Variants in MARVELD2 observed in about 807,000 individuals in gnomAD.
MARVELD2 encodes the protein MARVEL domain-containing protein 2.
In MARVELD2, 49 loss-of-function variants were observed where a neutral mutation model predicts 57.6. The ratio of observed to expected loss-of-function variants is 0.85; its 90% CI spans 0.68 to 1.08. The LOEUF (loss-of-function observed/expected upper bound fraction) is 1.08. Ranked by LOEUF, MARVELD2 falls within the 50% of genes least tolerant of loss-of-function variation. MARVELD2 has a pLI of 0.00. For missense variants in MARVELD2, 606 were observed against 701.1 expected, an observed-to-expected ratio of 0.86 and a Z score of 1.53; for synonymous variants, 238 against 258.8, an observed-to-expected ratio of 0.92 and a Z score of 0.77.
chr5:69,429,581 A>G (rs1766894884), intron 3 of MARVELD2, among the ~76,000 whole-genome samples: 1 of 152,184 alleles, frequency 6.6e-6, no homozygotes, highest in South Asian at 2.1e-4. Context: ...TGCCCTGTCC[A>G]TCACAAGCTC....
chr5:69,437,381 TAAAA>T (rs36086491), intron 5 of MARVELD2, among the ~76,000 whole-genome samples: 8 of 100,094 alleles, frequency 8.0e-5, no homozygotes, highest in Admixed American at 1.2e-4. Context: ...AACTCTGTCT[TAAAA>T]AAAAAAAAAA....
rs75162729 is a variant in MARVELD2, at chr5:69,432,957, A to G, written c.1367A>G (p.Glu456Gly). 1 of 1,614,214 alleles carries G rather than the reference A, an allele frequency of 6.2e-7. No homozygotes were observed. The highest frequency in any genetic ancestry group is 1.3e-5 in the African/African-American group (1 of 75,052). The change falls in exon 5 of 7, where the codon GAA becomes GGA. Residue 456 changes from glutamate to glycine, a missense_variant. Coordinates refer to ENST00000325631, the MANE Select transcript of MARVELD2 (RefSeq NM_001038603.3). ...GTGATTCAGACAGATGATGAGCGAGAACGCTATAAAGCTGTGTTCCAAGAC... is the reference window on the plus strand; with the variant it reads ...GTGATTCAGACAGATGATGAGCGAGGACGCTATAAAGCTGTGTTCCAAGAC... ...YPVIQTDDER[E>G]RYKAVFQDQF...
chr5:69,439,325 TA>T (rs909440559), intron 5 of MARVELD2, among the ~76,000 whole-genome samples: 166 of 151,916 alleles, frequency 1.1e-3, no homozygotes, highest in African/African-American at 3.8e-3. Context: ...CATGCCTGGC[TA>T]ATTTTTGTAT....
intron 1 of MARVELD2, among the ~76,000 whole-genome samples, chr5:69,417,938 C>CA (rs759672131): frequency 0.012 from 1,103 of 92,978 alleles, 9 homozygotes; most frequent in African/African-American, 0.025. Flanking sequence ...GACTCTGTCT[C>CA]AAAAAAAAAA....
intron 3 of MARVELD2, among the ~76,000 whole-genome samples, chr5:69,430,948 G>T (rs1416218214): frequency 6.7e-6 from 1 of 149,108 alleles, no homozygotes; most frequent in Non-Finnish European, 1.5e-5. Context: ...TAAGAGACAG[G>T]GTCTTGCTCT....
rs143281673 is a variant in MARVELD2, at chr5:69,440,489, A to C, written c.1543A>C (p.Lys515Gln). 2.2e-5 allele frequency: 32 copies of C among 1,424,660 alleles called. No individual in the cohort carries two copies. The highest frequency in any genetic ancestry group is 3.2e-5 in the Non-Finnish European group (32 of 1,012,242). 88.3% of individuals were successfully genotyped at this position (1,424,660 alleles called of 1,614,324 possible). The change falls in exon 6 of 7, where the codon AAA (lysine) becomes CAA (glutamine). Residue 515 changes from lysine (K) to glutamine (Q), a missense_variant. Coordinates refer to ENST00000325631, the MANE Select transcript of MARVELD2 (RefSeq NM_001038603.3). ...TTCAAGAATCCATGAAGAGTTTAAG[A>C]AAAAAAAGAATGTGAGTAAAACAGT... is the stretch of plus-strand genomic sequence containing the variant. ...RISRIHEEFK[K>Q]KKNDPTFLEK...
At chr5:69,417,806 G>A (rs1021718056) in intron 1 of MARVELD2, among the ~76,000 whole-genome samples, 2 of 152,042 alleles carry the variant, frequency 1.3e-5, no homozygotes, top group Non-Finnish European at 2.9e-5. Context: ...GGGCGTGGTG[G>A]CGAGCACCTG....
intron 2 of MARVELD2, 67 bp from the exon 3 acceptor site, chr5:69,424,534 G>T: frequency 1.5e-6 from 2 of 1,331,648 alleles, no homozygotes; most frequent in Admixed American, 1.7e-5. Flanking sequence ...AAATGCAAAT[G>T]GATGAAAATA....
chr5:69,437,683 C>CAA (rs775967772), intron 5 of MARVELD2, among the ~76,000 whole-genome samples: 1 of 127,872 alleles, frequency 7.8e-6, no homozygotes, highest in Non-Finnish European at 1.7e-5. Context: ...GACTCTGTCT[C>CAA]AAAAAAAAAA....
intron 5 of MARVELD2, among the ~76,000 whole-genome samples, chr5:69,435,880 A>G (rs772072104): frequency 1.3e-5 from 2 of 151,964 alleles, no homozygotes; most frequent in African/African-American, 4.8e-5. Context: ...GCCTAGTTTG[A>G]ACATTTCATA....
rs182280431 is a variant in MARVELD2 at position 69,433,126 on chromosome 5, G to A, written c.1503+33G>A. On this transcript the variant is annotated intron_variant, in intron 5 of 6. Transcript: ENST00000325631. ...TGTGCAGCTGCCTAGGAGGAGCACT[G>A]AAATCTAGAGGATGAATAAAATCTG... 151 of 1,055,792 alleles carry A rather than the reference G, an allele frequency of 1.4e-4. No individual in the cohort carries two copies. The East Asian group carries it at 3.0e-3, about 21-fold the overall frequency. The allele number at this position is 1,055,792 out of a possible 1,614,324, so 65.4% of individuals were successfully genotyped here. A position where few individuals can be genotyped will look rare whatever the true frequency, so the allele number is the denominator to read the frequency against.
intron 1 of MARVELD2, among the ~76,000 whole-genome samples, chr5:69,418,188 C>CA (rs1285021275): frequency 5.9e-5 from 9 of 152,124 alleles, no homozygotes; most frequent in Non-Finnish European, 1.3e-4. Context: ...GTATCAAGTA[C>CA]AATACCATGT....
intron 1 of MARVELD2, among the ~76,000 whole-genome samples, chr5:69,418,148 G>T (rs1188359722): frequency 1.3e-5 from 2 of 151,942 alleles, no homozygotes; most frequent in East Asian, 1.9e-4. Context: ...AAAAGATGGG[G>T]TTATCCATTT....
At chr5:69,435,710 G>T (rs543212423) in intron 5 of MARVELD2, among the ~76,000 whole-genome samples, 2 of 127,696 alleles carry the variant, frequency 1.6e-5, no homozygotes, top group Non-Finnish European at 3.1e-5. Context: ...CCAAGATTGC[G>T]CCACTGCACT....
intron 5 of MARVELD2, among the ~76,000 whole-genome samples, chr5:69,439,874 C>T (rs1170366054): frequency 6.6e-6 from 1 of 151,966 alleles, no homozygotes; most frequent in African/African-American, 2.4e-5. Flanking sequence ...TAATGTGTTC[C>T]CTTTGGATAG....
rs2150914182 is a variant in MARVELD2, at chr5:69,420,007, T to G, written c.622T>G (p.Phe208Val). The G allele has an allele frequency of 6.2e-7, 1 of 1,614,148 alleles. No homozygotes were observed. Among genetic ancestry groups the G allele is most frequent in the East Asian group, 2.2e-5 (1 of 44,890 alleles). The change falls in exon 2 of 7, where the codon TTT becomes GTT. Residue 208 changes from phenylalanine to valine, a missense_variant. By Grantham distance (50) the Phe-to-Val change is conservative. Coordinates refer to ENST00000325631, the MANE Select transcript of MARVELD2 (RefSeq NM_001038603.3). The part of the protein sequence containing the change: ...VVELLLGAGV[F>V]ACVTAYIHKD... Reference sequence around the variant, plus strand: ...GGAGCTGCTTTTGGGGGCCGGTGTCTTTGCTTGTGTCACAGCTTACATTCA... The same window carrying G: ...GGAGCTGCTTTTGGGGGCCGGTGTCGTTGCTTGTGTCACAGCTTACATTCA...
chr5:69,428,813 T>TTAAA (rs1302482684), intron 3 of MARVELD2, among the ~76,000 whole-genome samples: 1 of 152,166 alleles, frequency 6.6e-6, no homozygotes, highest in Admixed American at 6.6e-5. Context: ...ATCTGGATTG[T>TTAAA]TAAACATTTA....
At chr5:69,429,825 G>A (rs1488575703) in intron 3 of MARVELD2, among the ~76,000 whole-genome samples, 1 of 141,752 alleles carries the variant, frequency 7.1e-6, no homozygotes, top group Non-Finnish European at 1.5e-5. Context: ...CAGCCTGGGT[G>A]GCACAGTGAG....
intron 5 of MARVELD2, among the ~76,000 whole-genome samples, chr5:69,437,818 G>C (rs2561182): frequency 0.48 from 72,388 of 151,974 alleles, 17,400 homozygotes; most frequent in South Asian, 0.53. Context: ...AATCAAGAGG[G>C]TCCTGATGAC....
Sources: gnomAD v4.1 joint callset for allele counts (sites outside exome capture counted in the v4.1 genomes callset) on GRCh38, gnomAD v4.1.1 for gene constraint, MANE v1.5 for transcripts, NCBI Gene and HGNC (gene_info 2026-07-23, HGNC 2026-07-21) for gene names.